Variants in PDS5B observed in about 807,000 individuals in gnomAD.
PDS5B encodes PDS5 cohesin associated factor B.
PDS5B carries 51 observed loss-of-function variants against 184.1 expected under a neutral mutation model. The ratio of observed to expected loss-of-function variants is 0.28; its 90% CI spans 0.22 to 0.35. PDS5B has a LOEUF of 0.35. Ranked by LOEUF, PDS5B falls within the 10% of genes least tolerant of loss-of-function variation. The pLI is 1.00. For synonymous variants in PDS5B, 566 were observed against 569.2 expected, an observed-to-expected ratio of 0.99 and a Z score of 0.08; for missense variants, 1,180 against 1,723.3, an observed-to-expected ratio of 0.68 and a Z score of 5.58.
At chr13:32,719,602 G>C (rs1407287485) in intron 19 of PDS5B, among the ~76,000 whole-genome samples, 1 of 152,032 alleles carries the variant, frequency 6.6e-6, no homozygotes, top group African/African-American at 2.4e-5. Flanking sequence ...TAGGTGTCGA[G>C]GACATTGTAA....
At chr13:32,764,832 C>G (rs976390347) in intron 31 of PDS5B, among the ~76,000 whole-genome samples, 1 of 151,976 alleles carries the variant, frequency 6.6e-6, no homozygotes, top group African/African-American at 2.4e-5. Context: ...ATTAGACTTG[C>G]CAGTTGCATA....
chr13:32,639,287 A>C lies in PDS5B; in HGVS notation c.-19-9467A>C, dbSNP rs2058618199. ...ATTGATGGTCCTTAAAAAATGATGT[A>C]GGCAAGTGACCATGTTTGCCCTTTT... On this transcript the variant is annotated intron_variant, in intron 1 of 34. Transcript: ENST00000315596. Among the ~76,000 whole-genome samples the C allele has an allele frequency of 2.6e-5, 4 of 152,190 alleles. No homozygotes were observed. The South Asian group carries it at 8.3e-4, about 31-fold the overall frequency.
intron 13 of PDS5B, chr13:32,690,485 CTA>C (rs1467564457): frequency 2.6e-5 from 4 of 151,966 alleles, no homozygotes; most frequent in Non-Finnish European, 5.9e-5. Context: ...TCTTGACTAA[CTA>C]TGTTATAAGT....
intron 1 of PDS5B, among the ~76,000 whole-genome samples, chr13:32,618,295 C>G (rs575862235): frequency 2.0e-5 from 3 of 152,120 alleles, no homozygotes; most frequent in Non-Finnish European, 4.4e-5. Context: ...TGGTCCTACC[C>G]GAGGTTTTGC....
At chr13:32,706,299 T>C (rs1423866399) in intron 17 of PDS5B, among the ~76,000 whole-genome samples, 1 of 148,218 alleles carries the variant, frequency 6.7e-6, no homozygotes. Context: ...AATAAATAAA[T>C]AAATAAATAA....
intron 10 of PDS5B, among the ~76,000 whole-genome samples, chr13:32,683,578 C>G (rs2140808718): frequency 6.6e-6 from 1 of 152,228 alleles, no homozygotes; most frequent in Admixed American, 6.5e-5. Context: ...CCTCGGCCTC[C>G]CAAAGTGCTG....
rs186419058 is a variant in PDS5B at position 32,772,378 on chromosome 13, G to C, written c.4173-811G>C. Among the ~76,000 whole-genome samples the C allele has an allele frequency of 3.3e-5, 5 of 152,132 alleles. No individual in the cohort carries two copies. In the East Asian group the frequency reaches 9.6e-4, roughly 29 times the overall value. ...ACGTGGTACTTGTTTTCATGGGCTC[G>C]TGGTTCTTGTTTTCCACCATCTAAT... is the stretch of plus-strand genomic sequence containing the variant. On this transcript the variant is annotated intron_variant, in intron 33 of 34. Coordinates refer to ENST00000315596, the MANE Select transcript of PDS5B (RefSeq NM_015032.4).
At position 32,773,183 on chromosome 13, in the gene PDS5B, C is replaced by T. The variant is rs1301604034; in HGVS notation, c.4173-6C>T. 1 of 1,596,858 alleles carries T rather than the reference C, an allele frequency of 6.3e-7. No individual in the cohort carries two copies. The highest frequency in any genetic ancestry group is 8.5e-7 in the Non-Finnish European group (1 of 1,174,436). ...TTCATTGTGTTTTACATGTGTTTTA[C>T]TCTAGCCGTGTAGGACGCTCCAAAC... On this transcript the variant is annotated splice_region_variant and splice_polypyrimidine_tract_variant and intron_variant, in intron 33 of 34. Coordinates refer to ENST00000315596, the MANE Select transcript of PDS5B (RefSeq NM_015032.4).
At chr13:32,738,825 C>T (rs943485016) in intron 21 of PDS5B, among the ~76,000 whole-genome samples, 7 of 152,084 alleles carry the variant, frequency 4.6e-5, no homozygotes, top group Non-Finnish European at 5.9e-5. Context: ...GCGCCCACCA[C>T]CATGTCCACC....
chr13:32,695,544 G>C (rs1951676778), intron 14 of PDS5B, among the ~76,000 whole-genome samples: 1 of 151,868 alleles, frequency 6.6e-6, no homozygotes, highest in Non-Finnish European at 1.5e-5. Context: ...AGATGTAAGA[G>C]TGTTTATTAA....
intron 1 of PDS5B, among the ~76,000 whole-genome samples, chr13:32,628,827 A>G (rs900402936): frequency 1.3e-5 from 2 of 152,018 alleles, no homozygotes; most frequent in African/African-American, 4.8e-5. Context: ...AAGATTTACC[A>G]CACTTCATGT....
chr13:32,640,526 C>T (rs149834611), intron 1 of PDS5B, among the ~76,000 whole-genome samples: 326 of 149,078 alleles, frequency 2.2e-3, no homozygotes, highest in African/African-American at 7.6e-3. Context: ...AGATTACAGG[C>T]GTGAGCCACT....
intron 1 of PDS5B, among the ~76,000 whole-genome samples, chr13:32,597,808 C>G (rs924925050): frequency 4.0e-5 from 6 of 150,330 alleles, no homozygotes; most frequent in African/African-American, 1.5e-4. Context: ...GGTCGTGCCA[C>G]TGCACTCCAG....
At chr13:32,704,453 G>A (rs1448487957) in intron 17 of PDS5B, among the ~76,000 whole-genome samples, 2 of 152,238 alleles carry the variant, frequency 1.3e-5, no homozygotes, top group African/African-American at 2.4e-5. Context: ...ACAGGCATGA[G>A]CCACTGTGCC....
intron 1 of PDS5B, among the ~76,000 whole-genome samples, chr13:32,602,835 C>T (rs2057999212): frequency 6.6e-6 from 1 of 152,182 alleles, no homozygotes; most frequent in Admixed American, 6.5e-5. Flanking sequence ...ATTTGCATTT[C>T]TCTGATGGCC....
In PDS5B at chr13:32,755,854, C is replaced by A; in HGVS notation, c.2954C>A (p.Ser985Tyr). The A allele has an allele frequency of 7.5e-7, 1 of 1,327,086 alleles. No individual in the cohort carries two copies. The highest frequency in any genetic ancestry group is 1.0e-6 in the Non-Finnish European group (1 of 978,366). 82.2% of individuals were successfully genotyped at this position (1,327,086 alleles called of 1,614,324 possible). The change falls in exon 26 of 35, where the codon TCT (serine) becomes TAT (tyrosine). Residue 985 changes from serine to tyrosine, a missense_variant. By Grantham distance (144) the Ser-to-Tyr change is moderately radical. Around this residue, in one of 11 missense-constraint regions of PDS5B, gnomAD observed 57 missense variants for 80.9 expected, o/e 0.70. Transcript: ENST00000315596. ...QHAAVSEKLLSLLPEYVVPYT... is the reference protein window; with the variant it reads ...QHAAVSEKLLYLLPEYVVPYT... ...TTTTCTTTTTCAGAAAAATTATTGT[C>A]TCTTCTACCAGAGTATGTTGTTCCA...
intron 3 of PDS5B, 81 bp from the exon 4 acceptor site, chr13:32,658,158 C>A: frequency 1.4e-6 from 1 of 720,006 alleles, no homozygotes; most frequent in African/African-American, 1.8e-5. Flanking sequence ...CACATGAGTG[C>A]TGAATAAACT....
intron 1 of PDS5B, among the ~76,000 whole-genome samples, chr13:32,647,527 G>A (rs1950258082): frequency 6.6e-6 from 1 of 152,098 alleles, no homozygotes; most frequent in Non-Finnish European, 1.5e-5. Context: ...CAAAAGGCCT[G>A]CCTTGGCCTC....
intron 1 of PDS5B, among the ~76,000 whole-genome samples, chr13:32,620,309 T>C (rs766199186): frequency 4.6e-5 from 7 of 152,152 alleles, no homozygotes; most frequent in Non-Finnish European, 1.0e-4. Context: ...AATCCTTATG[T>C]TGTTGATTTC....
Sources: allele counts gnomAD v4.1 joint callset (sites outside exome capture counted in the v4.1 genomes callset), GRCh38; gene constraint gnomAD v4.1.1; regional missense constraint gnomAD v4.1.1; transcripts MANE v1.5; gene names NCBI Gene and HGNC (gene_info 2026-07-23, HGNC 2026-07-21).